The following WWOX variants were observed in gnomAD, a reference collection of about 807,000 sequenced individuals.
The protein encoded by WWOX is WW domain containing oxidoreductase.
In WWOX, 69 loss-of-function variants were observed where a neutral mutation model predicts 46.2. That is an observed-to-expected ratio of 1.49 (90% CI 1.23 to 1.82). The LOEUF is 1.82. Among genes scored for constraint, WWOX ranks in the 40% most tolerant of loss-of-function variants. The pLI, the probability that WWOX is intolerant of heterozygous loss-of-function variation, is 0.00. For missense variants in WWOX, 919 were observed against 542.6 expected (o/e 1.69, Z -6.89); for synonymous variants, 359 against 202.6 (o/e 1.77, Z -6.56).
At chr16:79,079,138 T>G (rs1199882669) in intron 8 of WWOX, among the ~76,000 whole-genome samples, 1 of 152,196 alleles carries the variant, frequency 6.6e-6, no homozygotes, top group Non-Finnish European at 1.5e-5. Flanking sequence ...GTTGCAATGC[T>G]CTCTTCCAAG....
At chr16:79,091,953 G>T (rs2150603722) in intron 8 of WWOX, among the ~76,000 whole-genome samples, 1 of 151,770 alleles carries the variant, frequency 6.6e-6, no homozygotes. Context: ...GCTAATTTTT[G>T]TATTTTTAGT....
At chr16:78,577,717 G>C (rs539480520) in intron 8 of WWOX, among the ~76,000 whole-genome samples, 1 of 152,212 alleles carries the variant, frequency 6.6e-6, no homozygotes, top group Non-Finnish European at 1.5e-5. Context: ...GAGACAGTGT[G>C]TTGACACTCT....
intron 8 of WWOX, among the ~76,000 whole-genome samples, chr16:79,076,846 A>G (rs879698726): frequency 2.6e-5 from 4 of 152,232 alleles, no homozygotes; most frequent in Admixed American, 6.5e-5. Flanking sequence ...AATAACAACA[A>G]TGGCTAACAT....
chr16:78,379,836 T>C (rs1180746016), intron 5 of WWOX, among the ~76,000 whole-genome samples: 2 of 152,224 alleles, frequency 1.3e-5, no homozygotes, highest in African/African-American at 4.8e-5. Context: ...TGTCCTATGT[T>C]CTAAAGGCCT....
chr16:78,567,342 G>A (rs1324673476), intron 8 of WWOX, among the ~76,000 whole-genome samples: 2 of 151,306 alleles, frequency 1.3e-5, no homozygotes, highest in Non-Finnish European at 2.9e-5. Flanking sequence ...TCAGGAGATC[G>A]AGACCATCCT....
At chr16:78,743,654 A>G (rs1444840265) in intron 8 of WWOX, among the ~76,000 whole-genome samples, 2 of 152,136 alleles carry the variant, frequency 1.3e-5, no homozygotes, top group Non-Finnish European at 2.9e-5. Context: ...GGAAAATTGA[A>G]AGTACCCCTG....
In WWOX at chr16:79,064,001, T is replaced by G. The variant is rs141845036; in HGVS notation, c.1057-147607T>G. Among the ~76,000 whole-genome samples the G allele has an allele frequency of 2.6e-5, 4 of 152,320 alleles. No individual in the cohort carries two copies. In the East Asian group the frequency reaches 7.7e-4, roughly 29 times the overall value. ...TGGAGATGACTCTAGCCAGGCCATT[T>G]GAGGACAAGTTGCCAAATATTTGTA... On this transcript the variant is annotated intron_variant, in intron 8 of 8. Coordinates refer to ENST00000566780, the MANE Select transcript of WWOX (RefSeq NM_016373.4).
intron 8 of WWOX, among the ~76,000 whole-genome samples, chr16:78,656,806 C>T (rs1223425194): frequency 6.6e-6 from 1 of 152,180 alleles, no homozygotes; most frequent in Non-Finnish European, 1.5e-5. Context: ...AGGCAGATTG[C>T]TCTGACACAG....
chr16:78,590,921 C>A (rs1426618104), intron 8 of WWOX, among the ~76,000 whole-genome samples: 3 of 152,170 alleles, frequency 2.0e-5, no homozygotes, highest in Non-Finnish European at 2.9e-5. Context: ...ATTTCTAAAT[C>A]TGAGTTTCTG....
At chr16:79,012,203 G>A (rs746987367) in intron 8 of WWOX, among the ~76,000 whole-genome samples, 1 of 152,160 alleles carries the variant, frequency 6.6e-6, no homozygotes, top group African/African-American at 2.4e-5. Flanking sequence ...ACATCTGGCT[G>A]TGTGGCACTT....
intron 8 of WWOX, among the ~76,000 whole-genome samples, chr16:78,838,717 C>A (rs1321500800): frequency 1.3e-5 from 2 of 152,126 alleles, no homozygotes; most frequent in African/African-American, 2.4e-5. Context: ...GTAGCACACA[C>A]CTGTAATCCC....
At chr16:78,312,613 G>A (rs1272072373) in intron 5 of WWOX, among the ~76,000 whole-genome samples, 2 of 152,132 alleles carry the variant, frequency 1.3e-5, no homozygotes, top group African/African-American at 4.8e-5. Context: ...GACCTGAGGT[G>A]ATCCACCTAC....
chr16:78,382,427 C>T (rs2081973968), intron 5 of WWOX, among the ~76,000 whole-genome samples: 1 of 152,162 alleles, frequency 6.6e-6, no homozygotes, highest in Non-Finnish European at 1.5e-5. Flanking sequence ...GTGAGCTGGG[C>T]CCACTGACCT....
chr16:79,094,119 G>A (rs1159440774), intron 8 of WWOX, among the ~76,000 whole-genome samples: 1 of 152,164 alleles, frequency 6.6e-6, no homozygotes. Context: ...TCCTGTGAAT[G>A]CAGAAATACA....
chr16:79,046,622 A>C (rs2048070413), intron 8 of WWOX, among the ~76,000 whole-genome samples: 1 of 152,120 alleles, frequency 6.6e-6, no homozygotes, highest in African/African-American at 2.4e-5. Context: ...CAGAAAAACA[A>C]AGCTTTCTGT....
chr16:78,961,445 A>T (rs556199258), intron 8 of WWOX, among the ~76,000 whole-genome samples: 2 of 151,872 alleles, frequency 1.3e-5, no homozygotes, highest in Admixed American at 1.3e-4. Context: ...ACATGGATGG[A>T]TGGATGGATG....
At chr16:78,101,199 C>T (rs1390834738) in intron 1 of WWOX, among the ~76,000 whole-genome samples, 2 of 151,510 alleles carry the variant, frequency 1.3e-5, no homozygotes, top group East Asian at 1.9e-4. Context: ...AGGCGCCCGC[C>T]ACCACGCCCG....
chr16:78,463,428 C>T (rs890490514), intron 8 of WWOX, among the ~76,000 whole-genome samples: 3 of 152,164 alleles, frequency 2.0e-5, no homozygotes, highest in African/African-American at 7.2e-5. Context: ...CCATGCCTCG[C>T]AGCAAAATTT....
At chr16:79,139,211 C>A (rs2050040974) in intron 8 of WWOX, among the ~76,000 whole-genome samples, 1 of 152,186 alleles carries the variant, frequency 6.6e-6, no homozygotes, top group Non-Finnish European at 1.5e-5. Context: ...CCTAAGAGGG[C>A]AAATAAACCA....
Sources: allele counts gnomAD v4.1 joint callset (sites outside exome capture counted in the v4.1 genomes callset), GRCh38; gene constraint gnomAD v4.1.1; transcripts MANE v1.5; gene names NCBI Gene and HGNC (gene_info 2026-07-23, HGNC 2026-07-21).